Variants in RBFOX3 observed in about 807,000 individuals in gnomAD.
RBFOX3 encodes RNA binding fox-1 homolog 3, also known as RNA binding protein fox-1 homolog 3.
RBFOX3 carries 17 observed loss-of-function variants against 48.7 expected under a neutral mutation model. The observed-to-expected ratio is 0.35, with a 90% CI of 0.24 to 0.52. RBFOX3 has a LOEUF of 0.52. Ranked by LOEUF, RBFOX3 falls within the 20% of genes least tolerant of loss-of-function variation. RBFOX3 has a pLI of 0.94. For missense variants in RBFOX3, 382 were observed against 497.5 expected (o/e 0.77, Z 2.21); for synonymous variants, 212 against 209.5 (o/e 1.01, Z -0.10).
At chr17:79,625,138 G>T in the RBFOX3 span, among the ~76,000 whole-genome samples, 1 of 151,990 alleles carries the variant, frequency 6.6e-6, no homozygotes, top group Admixed American at 6.6e-5. Flanking sequence ...CTCCTGCCCT[G>T]ATGTGCCCTC....
chr17:79,427,090 G>A (rs186355727), intron 2 of RBFOX3, among the ~76,000 whole-genome samples: 5 of 152,092 alleles, frequency 3.3e-5, no homozygotes, highest in African/African-American at 7.2e-5. Flanking sequence ...CGCCAATCCC[G>A]AAGCTCTCTA....
At chr17:79,514,574 T>C (rs1158108769) in intron 1 of RBFOX3, among the ~76,000 whole-genome samples, 1 of 152,200 alleles carries the variant, frequency 6.6e-6, no homozygotes, top group Non-Finnish European at 1.5e-5. Flanking sequence ...TCCTGCCCTT[T>C]TGTGGCCACT....
At chr17:79,190,353 G>C (rs368356167) in intron 4 of RBFOX3, among the ~76,000 whole-genome samples, 77 of 149,968 alleles carry the variant, frequency 5.1e-4, no homozygotes, top group African/African-American at 1.5e-3. Context: ...GGAGGATGCG[G>C]TGAGCCGTGA....
At chr17:79,245,782 C>T (rs1018895668) in intron 3 of RBFOX3, among the ~76,000 whole-genome samples, 2 of 152,040 alleles carry the variant, frequency 1.3e-5, no homozygotes, top group African/African-American at 4.8e-5. Context: ...TGTACACCAC[C>T]ATGACTGGCT....
chr17:79,512,256 C>T (rs1188860981), intron 1 of RBFOX3, among the ~76,000 whole-genome samples: 1 of 140,360 alleles, frequency 7.1e-6, no homozygotes, highest in Non-Finnish European at 1.6e-5. Context: ...AGTCCTATAG[C>T]CAGGGGATAT....
At chr17:79,589,909 G>A (rs1259814857) in intron 1 of RBFOX3, among the ~76,000 whole-genome samples, 5 of 152,188 alleles carry the variant, frequency 3.3e-5, no homozygotes, top group Non-Finnish European at 5.9e-5. Context: ...GCCTCAGTGC[G>A]AGGTTTATAT....
chr17:79,260,114 C>G (rs948396588), intron 3 of RBFOX3, among the ~76,000 whole-genome samples: 3 of 152,024 alleles, frequency 2.0e-5, no homozygotes, highest in Non-Finnish European at 4.4e-5. Flanking sequence ...CCAGCACTTA[C>G]TGAGCACCCC....
intron 2 of RBFOX3, among the ~76,000 whole-genome samples, chr17:79,350,515 T>C (rs1279473085): frequency 6.6e-6 from 1 of 152,222 alleles, no homozygotes; most frequent in African/African-American, 2.4e-5. Context: ...TCTAGGATTA[T>C]CCTGATTTTA....
intron 2 of RBFOX3, among the ~76,000 whole-genome samples, chr17:79,468,849 T>C (rs983764008): frequency 7.5e-5 from 11 of 147,066 alleles, no homozygotes; most frequent in African/African-American, 2.0e-4. Context: ...GATGGATAGA[T>C]AGACAGCAGA....
chr17:79,389,145 CT>C (rs1427278570), intron 2 of RBFOX3, among the ~76,000 whole-genome samples: 6 of 152,222 alleles, frequency 3.9e-5, no homozygotes, highest in Non-Finnish European at 8.8e-5. Context: ...AGGAAACTCA[CT>C]TTTGAAGTTT....
At position 79,120,847 on chromosome 17, in the gene RBFOX3, A is replaced by G. The variant is rs1363619319; in HGVS notation, c.-33-5099T>C. ...CTCTACAAACTTGCCCCCCTCTTCT[A>G]TCATCACTTGTGCCTGGCAAAACTG... On this transcript the variant is annotated intron_variant, in intron 4 of 14. Transcript: ENST00000693108. Among the ~76,000 whole-genome samples, 3 of 151,988 alleles carry G rather than the reference A, an allele frequency of 2.0e-5. No homozygotes were observed. The East Asian group carries it at 5.8e-4, about 29-fold the overall frequency.
At chr17:79,631,077 G>C in the RBFOX3 span, among the ~76,000 whole-genome samples, 1 of 152,152 alleles carries the variant, frequency 6.6e-6, no homozygotes, top group African/African-American at 2.4e-5. Context: ...CTTGCATTTG[G>C]ATTAACCAGG....
chr17:79,091,085 G>GGGAGGAGACACCTGGGGCCCTGA (rs1363156903), intron 14 of RBFOX3, among the ~76,000 whole-genome samples, 200 bp from the exon 15 acceptor site: 1 of 152,236 alleles, frequency 6.6e-6, no homozygotes, highest in African/African-American at 2.4e-5. Flanking sequence ...AGCCCAGGAT[G>GGGAGGAGACACCTGGGGCCCTGA]GGAGGAGACA....
intron 1 of RBFOX3, among the ~76,000 whole-genome samples, chr17:79,597,787 TG>T (rs1339300101): frequency 1.3e-5 from 2 of 152,132 alleles, no homozygotes; most frequent in Non-Finnish European, 2.9e-5. Flanking sequence ...CAAAAGCCAC[TG>T]GGGCTGCAGG....
At chr17:79,509,296 C>A (rs988793356) in intron 1 of RBFOX3, among the ~76,000 whole-genome samples, 2 of 152,092 alleles carry the variant, frequency 1.3e-5, no homozygotes, top group African/African-American at 4.8e-5. Context: ...CTCTCTAGGA[C>A]GCTGGAGCTA....
intron 4 of RBFOX3, among the ~76,000 whole-genome samples, chr17:79,216,309 C>CA (rs2059036742): frequency 1.3e-5 from 2 of 152,232 alleles, no homozygotes; most frequent in African/African-American, 4.8e-5. Flanking sequence ...TCTTGGGACA[C>CA]AGGGTCCATG....
intron 5 of RBFOX3, among the ~76,000 whole-genome samples, chr17:79,115,175 T>C (rs912056975): frequency 6.6e-6 from 1 of 152,176 alleles, no homozygotes; most frequent in African/African-American, 2.4e-5. Flanking sequence ...GAGTGTTTGC[T>C]CGAAGCAGGG....
intron 3 of RBFOX3, among the ~76,000 whole-genome samples, chr17:79,288,481 C>CG (rs1485516339): frequency 6.6e-6 from 1 of 152,064 alleles, no homozygotes; most frequent in Admixed American, 6.6e-5. Flanking sequence ...TCTGCAGCCC[C>CG]CCCCAGCCCG....
At position 79,513,656 on chromosome 17, in the gene RBFOX3, G is replaced by A. The variant is rs901242327; in HGVS notation, c.-319-31058C>T. On this transcript the variant is annotated intron_variant, in intron 1 of 14. Coordinates refer to ENST00000693108, the MANE Select transcript of RBFOX3 (RefSeq NM_001350451.2). ...TGCCTCTTACCAGCCACGTGGCCTC[G>A]GGCAGGCTGCATGATCTCTCTGAGC... Among the ~76,000 whole-genome samples the A allele has an allele frequency of 5.3e-5, 8 of 152,304 alleles. No homozygotes were observed. In the East Asian group the frequency reaches 5.8e-4, roughly 11 times the overall value.
Sources: gnomAD v4.1 joint callset for allele counts (sites outside exome capture counted in the v4.1 genomes callset) on GRCh38, gnomAD v4.1.1 for gene constraint, MANE v1.5 for transcripts, NCBI Gene and HGNC (gene_info 2026-07-23, HGNC 2026-07-21) for gene names.